The following C22orf31 variants were observed in gnomAD, a reference collection of about 807,000 sequenced individuals.
C22orf31 encodes uncharacterized protein C22orf31.
C22orf31 carries 11 observed loss-of-function variants against 15.0 expected under a neutral mutation model. The observed-to-expected ratio is 0.73, with a 90% CI of 0.46 to 1.21. The LOEUF (loss-of-function observed/expected upper bound fraction) is 1.21. Among genes scored for constraint, C22orf31 ranks in the 50% most tolerant of loss-of-function variants. The pLI, the probability that C22orf31 is intolerant of heterozygous loss-of-function variation, is 0.00. For missense variants in C22orf31, 340 were observed against 347.2 expected (o/e 0.98, Z 0.17); for synonymous variants, 132 against 133.3 (o/e 0.99, Z 0.07).
chr22:29,060,813 T>A lies in C22orf31; in HGVS notation c.34A>T (p.Ile12Phe). 6.2e-7 allele frequency: 1 copy of A among 1,613,952 alleles called. No individual in the cohort carries two copies. Among genetic ancestry groups the A allele is most frequent in the Non-Finnish European group, 8.5e-7 (1 of 1,179,868 alleles). ...GACTGTCGGAGTCCATAGATAGGGA[T>A]GCTGGGGTCTCGTCTCACATTGATT... The part of the protein sequence containing the change: ...HPINVRRDPS[I>F]PIYGLRQSIL... The change falls in exon 2 of 3, where the codon ATC (isoleucine) becomes TTC (phenylalanine). Residue 12 changes from isoleucine to phenylalanine, a missense_variant. Coordinates refer to ENST00000216071, the MANE Select transcript of C22orf31 (RefSeq NM_015370.2).
the C22orf31 span, among the ~76,000 whole-genome samples, chr22:29,070,226 C>T: frequency 1.3e-5 from 2 of 152,204 alleles, no homozygotes; most frequent in Admixed American, 6.5e-5. Context: ...GGATTACAGG[C>T]GTGAGCCACA....
chr22:29,064,630 T>C (rs185965955), upstream of C22orf31, among the ~76,000 whole-genome samples: 27 of 147,116 alleles, frequency 1.8e-4, no homozygotes, highest in East Asian at 5.2e-3. Flanking sequence ...CCTCCCACTT[T>C]GGCCTCCCAA....
intron 2 of C22orf31, 109 bp from the exon 3 acceptor site, chr22:29,059,291 T>C: frequency 1.3e-6 from 1 of 799,038 alleles, no homozygotes; most frequent in African/African-American, 1.7e-5. Context: ...CAACCAACAT[T>C]TGTCTAGCAT....
At chr22:29,061,907 G>A, upstream of C22orf31, 1 of 865,236 alleles carries the variant, frequency 1.2e-6, no homozygotes, top group South Asian at 1.8e-5. Flanking sequence ...AATATTTCTA[G>A]TCACCTGTCT....
upstream of C22orf31, among the ~76,000 whole-genome samples, chr22:29,066,378 G>A (rs1001703971): frequency 7.2e-5 from 11 of 152,006 alleles, no homozygotes; most frequent in African/African-American, 2.7e-4. Context: ...ATGCAAACTC[G>A]GAGGACCAAT....
the C22orf31 span, among the ~76,000 whole-genome samples, chr22:29,072,046 T>C: frequency 6.6e-6 from 1 of 152,206 alleles, no homozygotes; most frequent in Non-Finnish European, 1.5e-5. Context: ...GGGGTCAGTA[T>C]GTGGCTGCAA....
rs150118170 is a variant in C22orf31 at position 29,058,877 on chromosome 22, C to T, written c.738G>A (p.Lys246=). 6.0e-4 allele frequency: 973 copies of T among 1,614,084 alleles called. No homozygotes were observed. The highest frequency in any genetic ancestry group is 7.9e-4 in the Non-Finnish European group (934 of 1,180,046). ...SLELGKAIKQ[K]LWEALCSQGA... is the part of the protein sequence containing the mutation. Reference sequence around the variant, plus strand: ...CCTGACTGCAAAGAGCCTCCCAGAGCTTTTGTTTAATGGCCTTGCCCAGCT... The same window carrying T: ...CCTGACTGCAAAGAGCCTCCCAGAGTTTTTGTTTAATGGCCTTGCCCAGCT... The change falls in exon 3 of 3, where the codon AAG becomes AAA. Residue 246 remains lysine (K), a synonymous_variant. Coordinates refer to ENST00000216071, the MANE Select transcript of C22orf31 (RefSeq NM_015370.2).
At chr22:29,060,315 T>C in intron 2 of C22orf31, 100 bp downstream of exon 2, 1 of 1,133,810 alleles carries the variant, frequency 8.8e-7, no homozygotes, top group South Asian at 1.5e-5. Context: ...TTATAGGCGG[T>C]AGCCGCACGC....
At chr22:29,072,712 G>A in the C22orf31 span, among the ~76,000 whole-genome samples, 2 of 152,224 alleles carry the variant, frequency 1.3e-5, no homozygotes, top group Non-Finnish European at 2.9e-5. Context: ...GGGGTCACTG[G>A]GAGCCCGGCC....
rs781431102 is a variant in C22orf31, at chr22:29,060,477, A to G, written c.370T>C (p.Phe124Leu). ...GGCTGCTTGCTCTTGGAACTGATGA[A>G]GTTTCTTTTCCTGGCCTGCTGGGTG... The part of the protein sequence containing the change: ...KATQQARKRN[F>L]ISSKSKQPAG... Residue 124 changes from phenylalanine to leucine, a missense_variant, in exon 2 of 3, where the codon TTC (phenylalanine) becomes CTC (leucine). Coordinates refer to ENST00000216071, the MANE Select transcript of C22orf31 (RefSeq NM_015370.2). 33 of 1,613,538 alleles carry G rather than the reference A, an allele frequency of 2.0e-5. No homozygotes were observed. The highest frequency in any genetic ancestry group is 2.8e-5 in the Non-Finnish European group (33 of 1,179,946).
In C22orf31 at chr22:29,060,562, C is replaced by G. The variant is rs1463304611; in HGVS notation, c.285G>C (p.Lys95Asn). 1 of 1,614,156 alleles carries G rather than the reference C, an allele frequency of 6.2e-7. No homozygotes were observed. Among genetic ancestry groups the G allele is most frequent in the South Asian group, 1.1e-5 (1 of 91,076 alleles). ...LKNKCCPPPC[K>N]FGEGKLSKRL... ...TCTTCGAGAGTTTTCCTTCTCCAAA[C>G]TTGCATGGTGGTGGGCAGCACTTAT... Residue 95 changes from lysine (K) to asparagine (N), a missense_variant, in exon 2 of 3, where the codon AAG (lysine) becomes AAC (asparagine). Coordinates refer to ENST00000216071, the MANE Select transcript of C22orf31 (RefSeq NM_015370.2).
intron 2 of C22orf31, chr22:29,059,549 G>A (rs1056248406): frequency 1.0e-5 from 3 of 291,298 alleles, no homozygotes; most frequent in South Asian, 1.3e-4. Context: ...AGCCCTATGA[G>A]GGAAGGGCCG....
chr22:29,059,027 C>A lies in C22orf31; in HGVS notation c.588G>T (p.Gln196His). The A allele has an allele frequency of 6.2e-7, 1 of 1,614,238 alleles. No homozygotes were observed. Among genetic ancestry groups the A allele is most frequent in the African/African-American group, 1.3e-5 (1 of 75,050 alleles). ...TGGTTAGCGTGTCCTCCGACAACTG[C>A]TGTCTCTTTTGGGTTTCAGGAAGCA... Reference protein sequence around the residue: ...RVLLPETQKRQQLSEDTLTIH... With the variant: ...RVLLPETQKRHQLSEDTLTIH... The change falls in exon 3 of 3, where the codon CAG becomes CAT. Residue 196 changes from glutamine (Q) to histidine (H), a missense_variant. Physicochemically the swap from Gln to His is conservative, Grantham distance 24. Transcript: ENST00000216071.
At chr22:29,068,235 T>C in the C22orf31 span, among the ~76,000 whole-genome samples, 113,730 of 151,530 alleles carry the variant, frequency 0.75, 43,273 homozygotes, top group African/African-American at 0.87. Context: ...GCGCATGCCC[T>C]GACACCTGGC....
upstream of C22orf31, among the ~76,000 whole-genome samples, chr22:29,064,675 A>ATTTTTTTT (rs563569423): frequency 5.8e-5 from 3 of 51,324 alleles, no homozygotes; most frequent in Non-Finnish European, 7.2e-5. Context: ...TTGCCCAGTG[A>ATTTTTTTT]TTTTTTTTTT....
At chr22:29,061,714 G>A in intron 1 of C22orf31, 76 bp downstream of exon 1, 2 of 1,127,756 alleles carry the variant, frequency 1.8e-6, no homozygotes, top group Non-Finnish European at 2.6e-6. Flanking sequence ...AGAACAATTT[G>A]GATAGATTAG....
At chr22:29,068,827 C>A in the C22orf31 span, among the ~76,000 whole-genome samples, 2 of 140,484 alleles carry the variant, frequency 1.4e-5, no homozygotes, top group African/African-American at 5.4e-5. Flanking sequence ...GGCAGTGACA[C>A]GATCTCGGCT....
chr22:29,073,808 C>G, the C22orf31 span, among the ~76,000 whole-genome samples: 1 of 151,892 alleles, frequency 6.6e-6, no homozygotes, highest in Non-Finnish European at 1.5e-5. This position sits in a 1 kb window ranked among gnomAD's most constrained non-coding sequence, Gnocchi z 4.4. Context: ...AGCGACCCCT[C>G]CCGGGCCGGG....
At chr22:29,069,804 A>G in the C22orf31 span, among the ~76,000 whole-genome samples, 28 of 109,208 alleles carry the variant, frequency 2.6e-4, no homozygotes, top group Non-Finnish European at 5.4e-4. Context: ...AGGAGCTTGC[A>G]CACAAATTTC....
Sources: gnomAD v4.1 joint callset for allele counts (sites outside exome capture counted in the v4.1 genomes callset) on GRCh38, gnomAD v4.1.1 for gene constraint, Gnocchi (gnomAD v3.1) non-coding constraint, MANE v1.5 for transcripts, NCBI Gene and HGNC (gene_info 2026-07-23, HGNC 2026-07-21) for gene names.